GDA: variants seen among roughly 807,000 people sequenced by gnomAD.
The protein encoded by GDA is guanine deaminase, also known as cytoplasmic PSD-95 interactor.
Under a neutral mutation model 59.6 loss-of-function variants are expected in GDA, and 18 were observed. That is an observed-to-expected ratio of 0.30 (90% CI 0.21 to 0.45). The LOEUF (loss-of-function observed/expected upper bound fraction) is 0.45, where lower values mean the gene tolerates loss of function less well. GDA is among the 20% of genes least tolerant of loss of function. The probability of loss-of-function intolerance (pLI) is 1.00; values close to 1 mark genes in which losing one functional copy is unlikely to be tolerated. For missense variants in GDA, 427 were observed against 552.3 expected, an observed-to-expected ratio of 0.77 and a Z score of 2.27; for synonymous variants, 201 against 201.1, an observed-to-expected ratio of 1.00 and a Z score of 0.00.
upstream of GDA, among the ~76,000 whole-genome samples, chr9:72,147,704 T>C (rs1826715603): frequency 6.6e-6 from 1 of 152,194 alleles, no homozygotes; most frequent in African/African-American, 2.4e-5. Context: ...GTAATACATC[T>C]GTTGGAAACA....
At chr9:72,180,206 A>G (rs1427142847) in intron 1 of GDA, among the ~76,000 whole-genome samples, 1 of 152,018 alleles carries the variant, frequency 6.6e-6, no homozygotes, top group Admixed American at 6.6e-5. Context: ...AAAATACAAA[A>G]ATTTTCCAGG....
chr9:72,246,152 T>A (rs1440415678), intron 12 of GDA, among the ~76,000 whole-genome samples: 1 of 152,334 alleles, frequency 6.6e-6, no homozygotes, highest in South Asian at 2.1e-4. Flanking sequence ...ATTTATTTAA[T>A]ATAAATTTTT....
At chr9:72,166,273 A>G (rs1040451359) in intron 1 of GDA, among the ~76,000 whole-genome samples, 6 of 152,214 alleles carry the variant, frequency 3.9e-5, no homozygotes, top group Non-Finnish European at 7.3e-5. Flanking sequence ...AGAAAGTGAG[A>G]AGACAATAAG....
intron 1 of GDA, among the ~76,000 whole-genome samples, chr9:72,136,990 A>AAACAAC (rs143720929): frequency 0.096 from 14,593 of 151,540 alleles, 1,309 homozygotes; most frequent in African/African-American, 0.24. Context: ...CTCAAAAAGA[A>AAACAAC]AACAACAACA....
chr9:72,122,070 T>A (rs1247886646), intron 1 of GDA, among the ~76,000 whole-genome samples: 2 of 152,206 alleles, frequency 1.3e-5, no homozygotes, highest in African/African-American at 4.8e-5. Flanking sequence ...CTCTTCTGAT[T>A]ACAAGTACTG....
chr9:72,207,522 C>T (rs753455337), intron 3 of GDA, among the ~76,000 whole-genome samples: 3 of 152,170 alleles, frequency 2.0e-5, no homozygotes, highest in Non-Finnish European at 4.4e-5. Context: ...TCTGCTTCCT[C>T]AGGTGTTCAT....
Position 72,198,861 on chromosome 9 carries a change from A to ATATATATATATATATATATATAT in GDA, c.212+3273_212+3274insTATATATATATATATATATATAT, listed in dbSNP as rs1491123372. ...TATATAGGGGGATATATATATATAT[A>ATATATATATATATATATATATAT]AAATTTTTTTTGCTCAGGTTATGAT... is the stretch of plus-strand genomic sequence containing the variant. On this transcript the variant is annotated intron_variant, in intron 2 of 13. Transcript: ENST00000358399. Among the ~76,000 whole-genome samples the ATATATATATATATATATATATAT allele has an allele frequency of 2.3e-4, 34 of 147,892 alleles. 1 individual carries two copies. The highest frequency in any genetic ancestry group is 4.7e-4 in the African/African-American group (18 of 38,290).
upstream of GDA, among the ~76,000 whole-genome samples, chr9:72,145,045 A>G (rs1826576499): frequency 6.6e-6 from 1 of 152,128 alleles, no homozygotes; most frequent in African/African-American, 2.4e-5. Context: ...CTCCTAGATA[A>G]GAGAGGAAAA....
chr9:72,172,420 A>G (rs1276727245), intron 1 of GDA, among the ~76,000 whole-genome samples: 1 of 152,204 alleles, frequency 6.6e-6, no homozygotes, highest in Non-Finnish European at 1.5e-5. Context: ...TGAGTATTAC[A>G]AAAGTTAAGT....
chr9:72,171,064 G>C (rs57904249), intron 1 of GDA, among the ~76,000 whole-genome samples: 3 of 151,850 alleles, frequency 2.0e-5, no homozygotes, highest in Admixed American at 1.3e-4. Flanking sequence ...CAGTCCTCCC[G>C]CTTCAGCCTC....
intron 1 of GDA, among the ~76,000 whole-genome samples, chr9:72,169,963 T>C (rs1829763037): frequency 6.6e-6 from 1 of 152,230 alleles, no homozygotes; most frequent in African/African-American, 2.4e-5. Flanking sequence ...CCTCTGTATC[T>C]AAGCGTCCAG....
chr9:72,226,012 T>TGC (rs1021148077), intron 8 of GDA, among the ~76,000 whole-genome samples: 4 of 145,060 alleles, frequency 2.8e-5, no homozygotes, highest in Admixed American at 6.9e-5. Context: ...TGTGTGTGTG[T>TGC]GTGCGTGTGT....
chr9:72,195,668 G>T (rs1833086929), intron 2 of GDA, 80 bp downstream of exon 2: 1 of 493,012 alleles, frequency 2.0e-6, no homozygotes, highest in East Asian at 3.4e-5. Flanking sequence ...GAGACAGAGA[G>T]ACTTTAAAAA....
In GDA at chr9:72,168,390, C is replaced by CTT. The variant is rs77778231; in HGVS notation, c.123+18729_123+18730dup. On this transcript the variant is annotated intron_variant, in intron 1 of 13. Coordinates refer to ENST00000358399, the MANE Select transcript of GDA (RefSeq NM_004293.5). ...ACTGGGCAACACACTGAGACTTTGT[C>CTT]TTTTTTTTTTTTTTTTTTTTTTGAG... 7.5e-3 allele frequency among the ~76,000 whole-genome samples: 794 copies of CTT among 105,824 alleles called. 8 individuals carry two copies. The highest frequency in any genetic ancestry group is 8.6e-3 in the Non-Finnish European group (467 of 54,328). The allele number at this position is 105,824 out of a possible 152,430, so 69.4% of individuals were successfully genotyped here.
At chr9:72,255,158 A>G (rs1255517789), downstream of GDA, among the ~76,000 whole-genome samples, 2 of 152,202 alleles carry the variant, frequency 1.3e-5, no homozygotes, top group Non-Finnish European at 2.9e-5. Context: ...TAAAGTTGAC[A>G]ACATATGAGT....
At chr9:72,151,615 T>G (rs1827209130) in intron 1 of GDA, among the ~76,000 whole-genome samples, 1 of 152,014 alleles carries the variant, frequency 6.6e-6, no homozygotes, top group Admixed American at 6.6e-5. Flanking sequence ...TTTTTTTGTT[T>G]GTTTTTTTTT....
At chr9:72,228,276 T>C in intron 9 of GDA, 1 of 454,822 alleles carries the variant, frequency 2.2e-6, no homozygotes, top group South Asian at 2.7e-5. Context: ...TCTGAGTTTG[T>C]ACAAAAAAAG....
chr9:72,213,295 A>C (rs1039947691), intron 4 of GDA, among the ~76,000 whole-genome samples: 1 of 152,042 alleles, frequency 6.6e-6, no homozygotes, highest in Non-Finnish European at 1.5e-5. Flanking sequence ...CAAACAAAAA[A>C]ACCAAAAAAC....
chr9:72,119,681 T>A (rs1376788480), intron 1 of GDA, among the ~76,000 whole-genome samples: 1 of 152,156 alleles, frequency 6.6e-6, no homozygotes. Context: ...AGAAAGAGAA[T>A]AAATTTTCTT....
Sources: gnomAD v4.1 joint callset for allele counts (sites outside exome capture counted in the v4.1 genomes callset) on GRCh38, gnomAD v4.1.1 for gene constraint, MANE v1.5 for transcripts, NCBI Gene and HGNC (gene_info 2026-07-23, HGNC 2026-07-21) for gene names.